TMEM156: variants seen among roughly 807,000 people sequenced by gnomAD.
The protein encoded by TMEM156 is transmembrane protein 156.
In TMEM156, 28 loss-of-function variants were observed where a neutral mutation model predicts 30.5. The observed-to-expected ratio is 0.92, with a 90% CI of 0.68 to 1.26. The LOEUF (loss-of-function observed/expected upper bound fraction) is 1.26. TMEM156 is among the 50% of genes most tolerant of loss of function. The pLI is 0.00. For missense variants in TMEM156, 351 were observed against 340.6 expected, an observed-to-expected ratio of 1.03 and a Z score of -0.24; for synonymous variants, 137 against 119.9, an observed-to-expected ratio of 1.14 and a Z score of -0.93.
intron 1 of TMEM156, among the ~76,000 whole-genome samples, chr4:39,025,704 G>A (rs545076592): frequency 2.1e-4 from 32 of 152,262 alleles, no homozygotes; most frequent in African/African-American, 6.7e-4. Flanking sequence ...AATAAGAGAA[G>A]CAAATGAATA....
chr4:38,983,307 C>T (rs1020815912), intron 5 of TMEM156, among the ~76,000 whole-genome samples: 2 of 152,170 alleles, frequency 1.3e-5, no homozygotes, highest in African/African-American at 2.4e-5. Flanking sequence ...TTGCATCCAA[C>T]GATTCAGATT....
At chr4:38,971,242 T>C in intron 5 of TMEM156, 105 bp from the exon 6 acceptor site, 1 of 1,072,556 alleles carries the variant, frequency 9.3e-7, no homozygotes, top group East Asian at 2.5e-5. Context: ...GCTCTACCTC[T>C]AGAAAGGATT....
At chr4:38,979,423 A>G (rs1263468791) in intron 5 of TMEM156, among the ~76,000 whole-genome samples, 3 of 152,246 alleles carry the variant, frequency 2.0e-5, no homozygotes, top group Admixed American at 2.0e-4. Flanking sequence ...AGGAAAATAA[A>G]GGTAAGGATA....
chr4:39,026,397 G>A (rs1045580442), intron 1 of TMEM156, among the ~76,000 whole-genome samples: 1 of 151,820 alleles, frequency 6.6e-6, no homozygotes, highest in African/African-American at 2.4e-5. Flanking sequence ...TATACTAAGG[G>A]AGCATTTATC....
intron 2 of TMEM156, 129 bp from the exon 3 acceptor site, chr4:38,994,127 A>G: frequency 1.2e-6 from 1 of 817,794 alleles, no homozygotes; most frequent in Non-Finnish European, 1.9e-6. Context: ...TACACTAAAA[A>G]TATATACATA....
At chr4:39,000,283 T>G (rs1200705244) in intron 1 of TMEM156, among the ~76,000 whole-genome samples, 2 of 152,054 alleles carry the variant, frequency 1.3e-5, no homozygotes, top group East Asian at 3.9e-4. Flanking sequence ...TCCTTACTAC[T>G]CAGGATGCTG....
At position 39,031,905 on chromosome 4, in the gene TMEM156, A is replaced by AAAAAAAC. The variant is rs60499521; in HGVS notation, c.88+320_88+321insGTTTTTT. On this transcript the variant is annotated intron_variant, in intron 1 of 6. Coordinates refer to ENST00000381938, the MANE Select transcript of TMEM156 (RefSeq NM_024943.3). ...AAAAAAAAAAATAAAAAATAAAAAAATAAAAAAAAACTGCTTTGAAGAAAG... is the reference window on the plus strand; with the variant it reads ...AAAAAAAAAAATAAAAAATAAAAAAAAAAAAACTAAAAAAAAACTGCTTTGAAGAAAG... Among the ~76,000 whole-genome samples, 29 of 129,252 alleles carry AAAAAAAC rather than the reference A, an allele frequency of 2.2e-4. 4 individuals carry two copies. The highest frequency in any genetic ancestry group is 6.1e-4 in the African/African-American group (21 of 34,422). The allele number at this position is 129,252 out of a possible 152,430, so 84.8% of individuals were successfully genotyped here.
chr4:38,969,781 C>T (rs914369440), intron 6 of TMEM156, among the ~76,000 whole-genome samples: 17 of 152,100 alleles, frequency 1.1e-4, no homozygotes, highest in Middle Eastern at 3.4e-3. Context: ...TTTGTAGAGA[C>T]AGGGTTTCAC....
At position 38,999,185 on chromosome 4, in the gene TMEM156, T is replaced by C. The variant is rs572306132; in HGVS notation, c.89-276A>G. ...AGGCTAGAGTGCAGTGGTGTAATCATAGCTTACTGCAGCCTTGGCCTCCCA... is the reference window on the plus strand; with the variant it reads ...AGGCTAGAGTGCAGTGGTGTAATCACAGCTTACTGCAGCCTTGGCCTCCCA... On this transcript the variant is annotated intron_variant, in intron 1 of 6. Transcript: ENST00000381938. Among the ~76,000 whole-genome samples, 17 of 149,636 alleles carry C rather than the reference T, an allele frequency of 1.1e-4. 1 individual carries two copies. The East Asian group carries it at 3.4e-3, about 30-fold the overall frequency.
At chr4:38,980,652 G>C (rs1238527841) in intron 5 of TMEM156, among the ~76,000 whole-genome samples, 2 of 152,198 alleles carry the variant, frequency 1.3e-5, no homozygotes, top group African/African-American at 2.4e-5. Flanking sequence ...AAAGAAAGAT[G>C]TACGGTGTTA....
intron 2 of TMEM156, among the ~76,000 whole-genome samples, chr4:38,997,198 A>G (rs996884653): frequency 6.6e-6 from 1 of 152,134 alleles, no homozygotes; most frequent in Non-Finnish European, 1.5e-5. Flanking sequence ...CATTTTCACA[A>G]TTTGCTTTCT....
intron 1 of TMEM156, among the ~76,000 whole-genome samples, chr4:39,017,597 A>G (rs1317815741): frequency 6.6e-6 from 1 of 152,158 alleles, no homozygotes; most frequent in East Asian, 1.9e-4. Context: ...CTATATTCCT[A>G]TTCTTCACAT....
At chr4:38,991,378 A>C (rs1206880274) in intron 3 of TMEM156, among the ~76,000 whole-genome samples, 1 of 151,078 alleles carries the variant, frequency 6.6e-6, no homozygotes, top group Non-Finnish European at 1.5e-5. Context: ...TGTGCACCAC[A>C]CCTAGCTTAT....
intron 1 of TMEM156, among the ~76,000 whole-genome samples, chr4:39,029,617 G>C (rs1453542322): frequency 1.7e-5 from 1 of 57,416 alleles, no homozygotes; most frequent in Non-Finnish European, 3.1e-5. Context: ...GGGAGGCTGA[G>C]GCAGGAGAAT....
At chr4:38,968,589 C>A (rs1168557582) in intron 6 of TMEM156, among the ~76,000 whole-genome samples, 1 of 152,132 alleles carries the variant, frequency 6.6e-6, no homozygotes, top group Non-Finnish European at 1.5e-5. Flanking sequence ...AGATAAGCAT[C>A]CCAGAATGAA....
At chr4:38,996,183 A>T (rs1232976911) in intron 2 of TMEM156, among the ~76,000 whole-genome samples, 1 of 151,958 alleles carries the variant, frequency 6.6e-6, no homozygotes, top group Non-Finnish European at 1.5e-5. Context: ...AAGGTGCTCA[A>T]TATTACTAAT....
At chr4:39,017,451 T>C (rs1280624103) in intron 1 of TMEM156, among the ~76,000 whole-genome samples, 1 of 152,052 alleles carries the variant, frequency 6.6e-6, no homozygotes, top group Non-Finnish European at 1.5e-5. Flanking sequence ...AGTGCTGGGA[T>C]TACAGGTGTG....
rs1412191405 is a variant in TMEM156, at chr4:39,029,505, G to T, written c.88+2721C>A. Among the ~76,000 whole-genome samples the T allele has an allele frequency of 1.5e-4, 2 of 13,080 alleles. 1 individual carries two copies. The highest frequency in any genetic ancestry group is 2.7e-4 in the Non-Finnish European group (2 of 7,420). The allele number at this position is 13,080 out of a possible 152,430, so 8.6% of individuals were successfully genotyped here. ...CGAGGCGGGCGGATCACGAGGTCAGGAGATCGAGACCATCCTGGCTAACAC... is the reference window on the plus strand; with the variant it reads ...CGAGGCGGGCGGATCACGAGGTCAGTAGATCGAGACCATCCTGGCTAACAC... On this transcript the variant is annotated intron_variant, in intron 1 of 6. Transcript: ENST00000381938.
chr4:39,009,252 T>C (rs142555680), intron 1 of TMEM156, among the ~76,000 whole-genome samples: 99 of 151,972 alleles, frequency 6.5e-4, no homozygotes, highest in African/African-American at 2.2e-3. Flanking sequence ...GAATCAGTAA[T>C]AAAAAACCTA....
Sources: gnomAD v4.1 joint callset for allele counts (sites outside exome capture counted in the v4.1 genomes callset) on GRCh38, gnomAD v4.1.1 for gene constraint, MANE v1.5 for transcripts, NCBI Gene and HGNC (gene_info 2026-07-23, HGNC 2026-07-21) for gene names.